CHD9: variants seen among roughly 807,000 people sequenced by gnomAD.
The protein encoded by CHD9 is ATP-dependent chromatin remodeler CHD9.
In CHD9, 77 loss-of-function variants were observed where a neutral mutation model predicts 316.1. That is an observed-to-expected ratio of 0.24 (90% CI 0.20 to 0.29). CHD9 has a LOEUF of 0.29. Among genes scored for constraint, CHD9 ranks in the 10% least tolerant of loss-of-function variants. CHD9 has a pLI of 1.00. For missense variants in CHD9, 2,763 were observed against 3,438.1 expected (o/e 0.80, Z 4.91); for synonymous variants, 1,129 against 1,158.3 (o/e 0.97, Z 0.51).
intron 29 of CHD9, 68 bp from the exon 30 acceptor site, chr16:53,296,887 AT>A: frequency 1.0e-6 from 1 of 987,482 alleles, no homozygotes; most frequent in Middle Eastern, 2.6e-4. Flanking sequence ...TATTATAGTC[AT>A]TATATTTAGT....
intron 1 of CHD9, among the ~76,000 whole-genome samples, chr16:53,056,757 C>T (rs1211675822): frequency 6.6e-6 from 1 of 152,142 alleles, no homozygotes; most frequent in African/African-American, 2.4e-5. Flanking sequence ...CTACTGTGGG[C>T]CAGGCAGTTT....
intron 31 of CHD9, among the ~76,000 whole-genome samples, chr16:53,305,878 A>G (rs1274590297): frequency 6.6e-6 from 1 of 152,192 alleles, no homozygotes; most frequent in African/African-American, 2.4e-5. Flanking sequence ...CTCATCAGGT[A>G]TTTATAGTTC....
chr16:53,142,778 T>G (rs1391372046), intron 1 of CHD9, among the ~76,000 whole-genome samples: 2 of 152,264 alleles, frequency 1.3e-5, no homozygotes, highest in Non-Finnish European at 2.9e-5. Flanking sequence ...CAGTCAAATG[T>G]TGTCTTAGTC....
intron 2 of CHD9, among the ~76,000 whole-genome samples, chr16:53,209,165 A>G (rs1363352089): frequency 6.6e-6 from 1 of 152,208 alleles, no homozygotes; most frequent in Non-Finnish European, 1.5e-5. Context: ...CCAAATGCAC[A>G]GAATATTTAT....
intron 15 of CHD9, among the ~76,000 whole-genome samples, chr16:53,246,710 G>C (rs1333133301): frequency 6.6e-6 from 1 of 151,812 alleles, no homozygotes; most frequent in Non-Finnish European, 1.5e-5. Flanking sequence ...TTTTGGTAGA[G>C]ATGGGGTCTT....
At chr16:53,269,098 T>C (rs1172081328) in intron 22 of CHD9, among the ~76,000 whole-genome samples, 1 of 152,142 alleles carries the variant, frequency 6.6e-6, no homozygotes, top group East Asian at 1.9e-4. Flanking sequence ...TGAGCCACCA[T>C]GCCTGGCCTA....
intron 1 of CHD9, among the ~76,000 whole-genome samples, chr16:53,106,399 G>T (rs971344418): frequency 6.6e-6 from 1 of 152,160 alleles, no homozygotes; most frequent in African/African-American, 2.4e-5. Flanking sequence ...TGAACTCAAA[G>T]AAGCATAGTA....
intron 1 of CHD9, among the ~76,000 whole-genome samples, chr16:53,148,080 G>A (rs574686489): frequency 7.9e-5 from 12 of 152,088 alleles, no homozygotes; most frequent in African/African-American, 2.9e-4. Context: ...GGTGGTGGGC[G>A]CCTGTAAGCC....
intron 2 of CHD9, among the ~76,000 whole-genome samples, chr16:53,181,010 ATTTT>A (rs202227552): frequency 7.5e-6 from 1 of 133,232 alleles, no homozygotes; most frequent in Non-Finnish European, 1.6e-5. Context: ...GAGAGACACG[ATTTT>A]TTTTTTTTTT....
chr16:53,130,789 C>A (rs368711421), intron 1 of CHD9: 1 of 151,910 alleles, frequency 6.6e-6, no homozygotes, highest in African/African-American at 2.4e-5. Flanking sequence ...CCCTCTTAGG[C>A]AGCCCGACGC....
intron 24 of CHD9, among the ~76,000 whole-genome samples, chr16:53,285,041 A>G (rs2053748940): frequency 1.3e-5 from 2 of 152,196 alleles, no homozygotes; most frequent in South Asian, 4.1e-4. Flanking sequence ...TGTTGGGATT[A>G]CATACATGAG....
At chr16:53,134,158 A>T (rs1229943702) in intron 1 of CHD9, among the ~76,000 whole-genome samples, 1 of 152,220 alleles carries the variant, frequency 6.6e-6, no homozygotes, top group Non-Finnish European at 1.5e-5. Context: ...TGAATAAAAA[A>T]CACAGGTAAG....
intron 2 of CHD9, among the ~76,000 whole-genome samples, chr16:53,170,828 G>A (rs537980297): frequency 1.3e-5 from 2 of 152,074 alleles, no homozygotes; most frequent in South Asian, 4.2e-4. Flanking sequence ...AGACAGCTTT[G>A]TCAATAGGAT....
At chr16:53,288,829 G>C (rs2153047545) in intron 27 of CHD9, among the ~76,000 whole-genome samples, 1 of 151,948 alleles carries the variant, frequency 6.6e-6, no homozygotes, top group South Asian at 2.1e-4. Flanking sequence ...ACCTTCTCTT[G>C]AGTTCGTGAT....
At chr16:53,316,400 A>G (rs1392653256) in intron 36 of CHD9, among the ~76,000 whole-genome samples, 5 of 152,100 alleles carry the variant, frequency 3.3e-5, no homozygotes, top group African/African-American at 1.2e-4. Context: ...TCATACCTAT[A>G]CTCTAGACTC....
intron 11 of CHD9, among the ~76,000 whole-genome samples, chr16:53,236,574 TTCTCTC>T (rs373323219): frequency 1.3e-5 from 2 of 151,234 alleles, no homozygotes; most frequent in Non-Finnish European, 3.0e-5. Context: ...TTGGCTCTGC[TTCTCTC>T]TCTCTCTCTT....
intron 1 of CHD9, among the ~76,000 whole-genome samples, chr16:53,103,059 A>G (rs2037027378): frequency 6.6e-6 from 1 of 150,910 alleles, no homozygotes. Context: ...GTTAGCCAGG[A>G]TGGTCTCGAT....
chr16:53,202,464 TC>T (rs2045544942), intron 2 of CHD9, among the ~76,000 whole-genome samples: 1 of 152,068 alleles, frequency 6.6e-6, no homozygotes, highest in African/African-American at 2.4e-5. Flanking sequence ...GTTGCCCTTT[TC>T]TGTTTTGTTT....
At position 53,241,684 on chromosome 16, in the gene CHD9, T is replaced by G. The variant is rs536894205; in HGVS notation, c.2878-1156T>G. ...TCTATCTCACTCCATACTTATCCAT[T>G]GGGAAATCCTGTTGGCTCTACTTTC... is the stretch of plus-strand genomic sequence containing the variant. On this transcript the variant is annotated intron_variant, in intron 12 of 38. Coordinates refer to ENST00000447540, the MANE Select transcript of CHD9 (RefSeq NM_001308319.2). Among the ~76,000 whole-genome samples, 12 of 152,342 alleles carry G rather than the reference T, an allele frequency of 7.9e-5. No individual in the cohort carries two copies. In the South Asian group the frequency reaches 2.5e-3, roughly 32 times the overall value.
Sources: gnomAD v4.1 joint callset for allele counts (sites outside exome capture counted in the v4.1 genomes callset) on GRCh38, gnomAD v4.1.1 for gene constraint, MANE v1.5 for transcripts, NCBI Gene and HGNC (gene_info 2026-07-23, HGNC 2026-07-21) for gene names.